HECW1: variants seen among roughly 807,000 people sequenced by gnomAD.
HECW1 encodes the protein E3 ubiquitin-protein ligase HECW1.
Under a neutral mutation model 182.3 loss-of-function variants are expected in HECW1, and 61 were observed. The observed-to-expected ratio is 0.33, with a 90% CI of 0.27 to 0.41. The LOEUF (loss-of-function observed/expected upper bound fraction) is 0.41, where lower values mean the gene tolerates loss of function less well. Ranked by LOEUF, HECW1 falls within the 10% of genes least tolerant of loss-of-function variation. The pLI, the probability that HECW1 is intolerant of heterozygous loss-of-function variation, is 1.00. For missense variants in HECW1, 1,739 were observed against 2,108.9 expected (o/e 0.82, Z 3.44); for synonymous variants, 859 against 832.6 (o/e 1.03, Z -0.55).
intron 24 of HECW1, among the ~76,000 whole-genome samples, chr7:43,518,963 TAAACTA>T (rs1189360777): frequency 6.6e-6 from 1 of 152,106 alleles, no homozygotes; most frequent in Non-Finnish European, 1.5e-5. Flanking sequence ...ATCCACAATA[TAAACTA>T]AAATTTTTAA....
chr7:43,124,269 A>G (rs1333518310), intron 2 of HECW1, among the ~76,000 whole-genome samples: 6 of 152,350 alleles, frequency 3.9e-5, no homozygotes, highest in Admixed American at 2.6e-4. Context: ...TTTTACATTT[A>G]GCACATGTTG....
chr7:43,305,821 C>T (rs566873181), intron 3 of HECW1, among the ~76,000 whole-genome samples: 36 of 151,976 alleles, frequency 2.4e-4, no homozygotes, highest in African/African-American at 8.5e-4. Flanking sequence ...AGTTCAATGG[C>T]ACGATCTCGG....
chr7:43,121,401 C>T (rs1023648257), intron 2 of HECW1, among the ~76,000 whole-genome samples: 3 of 152,278 alleles, frequency 2.0e-5, no homozygotes, highest in South Asian at 4.1e-4. Context: ...AGGCTGGCAT[C>T]GTCGGGCTGT....
intron 2 of HECW1, among the ~76,000 whole-genome samples, chr7:43,180,916 A>G (rs1341447070): frequency 1.3e-5 from 2 of 152,144 alleles, no homozygotes; most frequent in Non-Finnish European, 2.9e-5. Context: ...TAGTCACCCT[A>G]CTGTGCAATA....
intron 8 of HECW1, among the ~76,000 whole-genome samples, chr7:43,409,943 G>T (rs1429733634): frequency 6.6e-6 from 1 of 152,200 alleles, no homozygotes; most frequent in Non-Finnish European, 1.5e-5. Context: ...CCATGCAAGG[G>T]AAAGTCTGGC....
chr7:43,354,034 G>T (rs1201095474), intron 5 of HECW1, among the ~76,000 whole-genome samples: 1 of 152,084 alleles, frequency 6.6e-6, no homozygotes, highest in Admixed American at 6.5e-5. Context: ...TTCAGGATGG[G>T]CAGCAATCTG....
rs1247208468 is a variant in HECW1, at chr7:43,444,626, A to G, written c.1454A>G (p.Glu485Gly). Residue 485 changes from glutamate to glycine, a missense_variant, in exon 11 of 30, where the codon GAG (glutamate) becomes GGG (glycine). Physicochemically the swap from Glu to Gly is moderately conservative, Grantham distance 98. Coordinates refer to ENST00000395891, the MANE Select transcript of HECW1 (RefSeq NM_015052.5). This position sits in a 1 kb window ranked among gnomAD's most constrained non-coding sequence, Gnocchi z 4.3. ...DGEAPASTKEEPLEEEATTQS... is the reference protein window; with the variant it reads ...DGEAPASTKEGPLEEEATTQS... Reference sequence around the variant, plus strand: ...GAAGCCCCAGCCAGCACCAAGGAGGAGCCCTTGGAGGAGGAAGCAACGACC... The same window carrying G: ...GAAGCCCCAGCCAGCACCAAGGAGGGGCCCTTGGAGGAGGAAGCAACGACC... 1 of 1,609,760 alleles carries G rather than the reference A, an allele frequency of 6.2e-7. No homozygotes were observed. Among genetic ancestry groups the G allele is most frequent in the Admixed American group, 1.7e-5 (1 of 59,340 alleles).
At chr7:43,538,598 G>C (rs924230387) in intron 24 of HECW1, among the ~76,000 whole-genome samples, 1 of 152,172 alleles carries the variant, frequency 6.6e-6, no homozygotes, top group African/African-American at 2.4e-5. Context: ...AGACACAGAG[G>C]AAAAGGCCTG....
At chr7:43,168,319 T>A (rs73690264) in intron 2 of HECW1, among the ~76,000 whole-genome samples, 7,403 of 152,162 alleles carry the variant, frequency 0.049, 577 homozygotes, top group African/African-American at 0.17. Context: ...GTATGTGGTG[T>A]GCAGGGATAC....
intron 3 of HECW1, among the ~76,000 whole-genome samples, chr7:43,308,241 ATAAT>A (rs1259013888): frequency 1.7e-5 from 1 of 59,302 alleles, no homozygotes; most frequent in Non-Finnish European, 2.5e-5. Flanking sequence ...ATAATAATAT[ATAAT>A]ATATATATAT....
intron 8 of HECW1, among the ~76,000 whole-genome samples, chr7:43,430,779 T>TTTATTATTATTATTACTATTA (rs1554410946): frequency 2.1e-5 from 3 of 141,720 alleles, no homozygotes; most frequent in African/African-American, 7.8e-5. Context: ...TTTATTTTTC[T>TTTATTATTATTATTACTATTA]TTATTATTAT....
chr7:43,320,606 T>G (rs765334436), intron 4 of HECW1, 29 bp from the exon 5 acceptor site: 1 of 1,452,612 alleles, frequency 6.9e-7, no homozygotes, highest in Non-Finnish European at 9.7e-7. Flanking sequence ...TATGTTTCTC[T>G]GCTCTGCTTT....
intron 6 of HECW1, among the ~76,000 whole-genome samples, chr7:43,376,243 C>T (rs1201150746): frequency 1.3e-5 from 2 of 152,052 alleles, no homozygotes; most frequent in African/African-American, 4.8e-5. Flanking sequence ...GTACATGTTC[C>T]TTGGGAATCC....
intron 2 of HECW1, among the ~76,000 whole-genome samples, chr7:43,159,744 G>A (rs928061258): frequency 8.6e-6 from 1 of 116,300 alleles, no homozygotes; most frequent in Admixed American, 8.1e-5. Flanking sequence ...CAGTGGTGGC[G>A]ATCTCTGCTC....
At chr7:43,559,710 G>A (rs149196819) in intron 29 of HECW1, among the ~76,000 whole-genome samples, 254 of 152,198 alleles carry the variant, frequency 1.7e-3, no homozygotes, top group African/African-American at 5.8e-3. Flanking sequence ...ACACCACCGG[G>A]CAATGCTTGG....
At chr7:43,120,204 C>T (rs1383269737) in intron 2 of HECW1, among the ~76,000 whole-genome samples, 1 of 152,184 alleles carries the variant, frequency 6.6e-6, no homozygotes, top group Non-Finnish European at 1.5e-5. Context: ...CCCCAGTTGT[C>T]CTTGCTCTTC....
chr7:43,425,153 G>A (rs983217900), intron 8 of HECW1, among the ~76,000 whole-genome samples: 1 of 152,008 alleles, frequency 6.6e-6, no homozygotes, highest in Non-Finnish European at 1.5e-5. Flanking sequence ...GTTGCAACAA[G>A]CTTTCAAGCC....
intron 3 of HECW1, among the ~76,000 whole-genome samples, chr7:43,252,722 A>G (rs1400380235): frequency 6.6e-6 from 1 of 152,244 alleles, no homozygotes. Flanking sequence ...ATAGGTAAAT[A>G]TAACTAGCAG....
chr7:43,449,994 G>A (rs1346142177), intron 11 of HECW1, among the ~76,000 whole-genome samples: 1 of 152,126 alleles, frequency 6.6e-6, no homozygotes, highest in Non-Finnish European at 1.5e-5. Context: ...TCTGTTGTAG[G>A]TTTTCTTTTA....
Sources: allele counts gnomAD v4.1 joint callset (sites outside exome capture counted in the v4.1 genomes callset), GRCh38; gene constraint gnomAD v4.1.1; non-coding constraint Gnocchi (gnomAD v3.1); transcripts MANE v1.5; gene names NCBI Gene and HGNC (gene_info 2026-07-23, HGNC 2026-07-21).